RFC3: variants seen among roughly 807,000 people sequenced by gnomAD.
RFC3 encodes A1 38 kDa subunit.
A neutral mutation model predicts 45.1 loss-of-function variants in RFC3; 41 were observed. The observed-to-expected ratio is 0.91, with a 90% CI of 0.71 to 1.18. RFC3 has a LOEUF of 1.18. Among genes scored for constraint, RFC3 ranks in the 50% most tolerant of loss-of-function variants. The pLI is 0.00. For missense variants in RFC3, 423 were observed against 428.1 expected (o/e 0.99, Z 0.10); for synonymous variants, 149 against 144.0 (o/e 1.03, Z -0.25).
At chr13:33,898,247 C>T (rs1405694054) in intron 8 of RFC3, among the ~76,000 whole-genome samples, 2 of 151,920 alleles carry the variant, frequency 1.3e-5, no homozygotes, top group African/African-American at 4.8e-5. Context: ...TGGAATAAAC[C>T]ATATCTTTAA....
rs11382058 is a variant in RFC3, at chr13:33,872,792, AC to A, written c.879+37586del. Among the ~76,000 whole-genome samples the A allele has an allele frequency of 3.4e-4, 33 of 97,488 alleles. 1 individual carries two copies. Among genetic ancestry groups the A allele is most frequent in the Admixed American group, 5.7e-4 (5 of 8,702 alleles). 64.0% of individuals were successfully genotyped at this position (97,488 alleles called of 152,430 possible). A position where few individuals can be genotyped will look rare whatever the true frequency, so the allele number is the denominator to read the frequency against. On this transcript the variant is annotated intron_variant, in intron 8 of 8. Transcript: ENST00000434425. ...CAGAACAAAAAAAGAAAGAAACCAAACCCCCCCCCCCAAAATACATGGTAGG... is the reference window on the plus strand; with the variant it reads ...CAGAACAAAAAAAGAAAGAAACCAAACCCCCCCCCCAAAATACATGGTAGG...
Position 33,957,462 on chromosome 13 carries a change from A to C in RFC3, c.880-8625A>C, listed in dbSNP as rs76837061. Reference sequence around the variant, plus strand: ...TGGGATGAAGTTGCTCAGGATGCAGAGCAGTGTGGTTGGTGTGCATTTTGC... The same window carrying C: ...TGGGATGAAGTTGCTCAGGATGCAGCGCAGTGTGGTTGGTGTGCATTTTGC... On this transcript the variant is annotated intron_variant, in intron 8 of 8. Transcript: ENST00000434425. 3.3e-3 allele frequency among the ~76,000 whole-genome samples: 509 copies of C among 152,300 alleles called. 5 individuals are homozygous for C. The highest frequency in any genetic ancestry group is 0.012 in the African/African-American group (486 of 41,546).
chr13:33,865,585 TATCA>T (rs1478235536), intron 8 of RFC3, among the ~76,000 whole-genome samples: 2 of 152,226 alleles, frequency 1.3e-5, no homozygotes, highest in African/African-American at 2.4e-5. Context: ...CCAATGTATT[TATCA>T]ATCAATCAAT....
chr13:33,946,619 T>C (rs2082956033), intron 8 of RFC3, among the ~76,000 whole-genome samples: 1 of 152,242 alleles, frequency 6.6e-6, no homozygotes, highest in South Asian at 2.1e-4. Flanking sequence ...TAGTTTTATA[T>C]TTTTGTAAAT....
chr13:33,879,173 AT>A (rs1486511881), intron 8 of RFC3, among the ~76,000 whole-genome samples: 1 of 152,238 alleles, frequency 6.6e-6, no homozygotes, highest in Admixed American at 6.5e-5. Context: ...AACCAAAAAA[AT>A]GACATATGGA....
chr13:33,944,776 A>G (rs2082945035), intron 8 of RFC3, among the ~76,000 whole-genome samples: 1 of 152,110 alleles, frequency 6.6e-6, no homozygotes, highest in Admixed American at 6.6e-5. Context: ...AAATTTCCAC[A>G]TATTCCTTTC....
chr13:33,970,083 C>T (rs1320082041), downstream of RFC3, among the ~76,000 whole-genome samples: 1 of 152,076 alleles, frequency 6.6e-6, no homozygotes, highest in Non-Finnish European at 1.5e-5. Flanking sequence ...GCTCTTCCTC[C>T]TCCCACCCTC....
downstream of RFC3, among the ~76,000 whole-genome samples, chr13:33,842,470 A>G (rs1443344835): frequency 6.6e-6 from 1 of 152,190 alleles, no homozygotes; most frequent in Admixed American, 6.5e-5. Context: ...TCAACCAAAG[A>G]TAACAAGGCA....
chr13:33,955,785 C>T (rs984547566), intron 8 of RFC3, among the ~76,000 whole-genome samples: 19 of 152,092 alleles, frequency 1.2e-4, no homozygotes, highest in Non-Finnish European at 2.1e-4. Flanking sequence ...TGGGCTAAAC[C>T]AGTTAAAAAA....
chr13:33,893,571 T>G (rs971612386), intron 8 of RFC3, among the ~76,000 whole-genome samples: 1 of 151,872 alleles, frequency 6.6e-6, no homozygotes. Flanking sequence ...ATATGTGAGC[T>G]CTCTGACCAA....
chr13:33,907,715 A>G (rs1451018691), intron 8 of RFC3, among the ~76,000 whole-genome samples: 2 of 152,122 alleles, frequency 1.3e-5, no homozygotes, highest in Admixed American at 6.6e-5. Context: ...GGCTGTCTCT[A>G]AAGACCACAG....
chr13:33,845,587 G>A (rs535818761), intron 8 of RFC3, among the ~76,000 whole-genome samples: 2 of 152,158 alleles, frequency 1.3e-5, no homozygotes, highest in African/African-American at 4.8e-5. Context: ...TAGGCCAATT[G>A]AATTTTTCAG....
intron 8 of RFC3, among the ~76,000 whole-genome samples, chr13:33,935,988 T>C (rs960603651): frequency 3.3e-5 from 5 of 152,210 alleles, no homozygotes; most frequent in Admixed American, 1.3e-4. Flanking sequence ...GGGAGCTATG[T>C]ATGGCTCCGG....
chr13:33,852,431 A>G (rs149183073), intron 8 of RFC3, among the ~76,000 whole-genome samples: 199 of 152,216 alleles, frequency 1.3e-3, no homozygotes, highest in South Asian at 5.4e-3. Context: ...CCTAATTTCT[A>G]TCAGTAACAG....
intron 8 of RFC3, among the ~76,000 whole-genome samples, chr13:33,939,155 T>C (rs2082907934): frequency 6.6e-6 from 1 of 152,180 alleles, no homozygotes; most frequent in Non-Finnish European, 1.5e-5. Flanking sequence ...TATATGAATA[T>C]ATATTTTGTG....
At chr13:33,859,556 A>C (rs941055074) in intron 8 of RFC3, among the ~76,000 whole-genome samples, 15 of 152,346 alleles carry the variant, frequency 9.8e-5, no homozygotes, top group African/African-American at 2.9e-4. Context: ...TCATGAGGAA[A>C]AGGAGCATAA....
At chr13:33,912,810 G>A (rs1278277462) in intron 8 of RFC3, among the ~76,000 whole-genome samples, 1 of 152,144 alleles carries the variant, frequency 6.6e-6, no homozygotes, top group Non-Finnish European at 1.5e-5. Flanking sequence ...CCATAACCAA[G>A]AGTGGGTGCA....
chr13:33,925,050 T>G (rs1178736954), intron 8 of RFC3, among the ~76,000 whole-genome samples: 1 of 145,292 alleles, frequency 6.9e-6, no homozygotes. Flanking sequence ...AGTGTACATA[T>G]ATATATACAC....
At chr13:33,899,204 C>CAA (rs59221382) in intron 8 of RFC3, among the ~76,000 whole-genome samples, 56 of 51,968 alleles carry the variant, frequency 1.1e-3, no homozygotes, top group African/African-American at 3.1e-3. Context: ...CACAATAAGA[C>CAA]AAAAAAAAAA....
Sources: allele counts gnomAD v4.1 joint callset (sites outside exome capture counted in the v4.1 genomes callset), GRCh38; gene constraint gnomAD v4.1.1; transcripts MANE v1.5; gene names NCBI Gene and HGNC (gene_info 2026-07-23, HGNC 2026-07-21).